Variants in SPECC1 observed in about 807,000 individuals in gnomAD.
SPECC1 encodes sperm antigen with calponin homology and coiled-coil domains 1, also known as cytospin-B.
A neutral mutation model predicts 104.1 loss-of-function variants in SPECC1; 62 were observed. The ratio of observed to expected loss-of-function variants is 0.60; its 90% CI spans 0.49 to 0.74. SPECC1 has a LOEUF of 0.74. Ranked by LOEUF, SPECC1 falls within the 30% of genes least tolerant of loss-of-function variation. The pLI is 0.00. For missense variants in SPECC1, 1,306 were observed against 1,310.5 expected, an observed-to-expected ratio of 1.00 and a Z score of 0.05; for synonymous variants, 513 against 501.6, an observed-to-expected ratio of 1.02 and a Z score of -0.30.
At chr17:20,100,450 G>GTTCTAC (rs1383525687) in intron 2 of SPECC1, among the ~76,000 whole-genome samples, 1 of 152,116 alleles carries the variant, frequency 6.6e-6, no homozygotes, top group African/African-American at 2.4e-5. Context: ...ACACGGGGAG[G>GTTCTAC]TTCTACAGTA....
At chr17:20,119,407 CT>C (rs2048919550) in intron 3 of SPECC1, among the ~76,000 whole-genome samples, 1 of 152,030 alleles carries the variant, frequency 6.6e-6, no homozygotes, top group African/African-American at 2.4e-5. Context: ...TAATGTTGTA[CT>C]TTTAGTTGAG....
intron 1 of SPECC1, among the ~76,000 whole-genome samples, chr17:20,030,726 T>A (rs2044775178): frequency 6.6e-6 from 1 of 152,208 alleles, no homozygotes; most frequent in Non-Finnish European, 1.5e-5. Flanking sequence ...CTGGGGTCAC[T>A]TGTTTTCAGC....
intron 3 of SPECC1, chr17:20,112,281 C>G: frequency 1.3e-6 from 1 of 762,010 alleles, no homozygotes; most frequent in Non-Finnish European, 2.5e-6. Context: ...CTACTTGTGT[C>G]ATGGAGAGCT....
intron 3 of SPECC1, among the ~76,000 whole-genome samples, chr17:20,143,776 G>C (rs2031132393): frequency 6.6e-6 from 1 of 152,218 alleles, no homozygotes; most frequent in Non-Finnish European, 1.5e-5. Context: ...CAGAGTAGGG[G>C]GAATCCATTC....
intron 1 of SPECC1, among the ~76,000 whole-genome samples, chr17:20,060,100 C>T (rs1215311221): frequency 6.6e-6 from 1 of 152,032 alleles, no homozygotes; most frequent in Non-Finnish European, 1.5e-5. Flanking sequence ...AACTTTGGGG[C>T]TCTTCTAAAG....
intron 14 of SPECC1, among the ~76,000 whole-genome samples, chr17:20,306,694 A>T (rs2041777527): frequency 6.6e-6 from 1 of 152,254 alleles, no homozygotes; most frequent in Non-Finnish European, 1.5e-5. Context: ...GAAAAGAGAG[A>T]GAGTCTCTTG....
chr17:20,075,725 C>T (rs1342096290), intron 1 of SPECC1, among the ~76,000 whole-genome samples: 3 of 152,068 alleles, frequency 2.0e-5, no homozygotes, highest in Non-Finnish European at 2.9e-5. Context: ...ACAGGTAGAT[C>T]GCTTGAGCTC....
At chr17:20,174,520 G>A (rs1597882801) in intron 3 of SPECC1, among the ~76,000 whole-genome samples, 1 of 152,042 alleles carries the variant, frequency 6.6e-6, no homozygotes, top group South Asian at 2.1e-4. Flanking sequence ...ATGCAGCTGC[G>A]ATAGCTGCCT....
chr17:20,221,003 G>T (rs951401838), intron 4 of SPECC1, among the ~76,000 whole-genome samples: 1 of 152,110 alleles, frequency 6.6e-6, no homozygotes, highest in Non-Finnish European at 1.5e-5. Context: ...TGCATCCCTA[G>T]GATAAATCCC....
intron 1 of SPECC1, among the ~76,000 whole-genome samples, chr17:20,021,869 A>G (rs894321028): frequency 6.8e-5 from 10 of 147,346 alleles, no homozygotes; most frequent in Non-Finnish European, 1.3e-4. Context: ...TGCGCTTGGC[A>G]TCATTCAACT....
chr17:20,256,557 A>T (rs977906595), intron 10 of SPECC1, among the ~76,000 whole-genome samples: 1 of 152,156 alleles, frequency 6.6e-6, no homozygotes, highest in Non-Finnish European at 1.5e-5. Context: ...TTCTGTGACT[A>T]TTCACAGGTC....
chr17:20,285,847 C>T (rs1420241977), intron 12 of SPECC1, among the ~76,000 whole-genome samples: 2 of 144,768 alleles, frequency 1.4e-5, no homozygotes, highest in African/African-American at 5.2e-5. Context: ...GGGTCTCGCT[C>T]TACCACCCAG....
At chr17:20,289,558 C>T (rs1195831686) in intron 12 of SPECC1, among the ~76,000 whole-genome samples, 1 of 152,148 alleles carries the variant, frequency 6.6e-6, no homozygotes, top group Non-Finnish European at 1.5e-5. Flanking sequence ...CCGCCTAGGC[C>T]TCCCAAAAAG....
intron 1 of SPECC1, among the ~76,000 whole-genome samples, chr17:20,036,579 C>G (rs1247371085): frequency 6.6e-6 from 1 of 152,162 alleles, no homozygotes; most frequent in Non-Finnish European, 1.5e-5. Context: ...AACACCCACT[C>G]TTTTAGTATT....
intron 3 of SPECC1, among the ~76,000 whole-genome samples, chr17:20,165,889 GT>G (rs1015456737): frequency 2.0e-4 from 30 of 149,206 alleles, no homozygotes; most frequent in Middle Eastern, 3.5e-3. Context: ...TTTTTAATGG[GT>G]TTTTTTTTTC....
intron 1 of SPECC1, among the ~76,000 whole-genome samples, chr17:20,023,855 A>G (rs897560022): frequency 4.6e-5 from 7 of 152,164 alleles, no homozygotes; most frequent in Non-Finnish European, 1.0e-4. Flanking sequence ...TTACAAAGTT[A>G]AAATAACCCT....
Position 20,314,264 on chromosome 17 carries a change from T to C in SPECC1, c.*199T>C. The C allele has an allele frequency of 1.7e-6, 1 of 599,060 alleles. No individual in the cohort carries two copies. The highest frequency in any genetic ancestry group is 3.0e-6 in the Non-Finnish European group (1 of 332,284). 37.1% of individuals were successfully genotyped at this position (599,060 alleles called of 1,614,324 possible). A position where few individuals can be genotyped will look rare whatever the true frequency, so the allele number is the denominator to read the frequency against. On this transcript the variant is annotated 3_prime_UTR_variant, in exon 15 of 15. Transcript: ENST00000395527. ...TACCTGTCTGAAATGCAAATGCAGC[T>C]GGACTGTAAATTGGGGACTCTTTGA... is the stretch of plus-strand genomic sequence containing the variant.
intron 3 of SPECC1, among the ~76,000 whole-genome samples, chr17:20,168,800 G>A (rs1035582410): frequency 1.3e-5 from 2 of 152,178 alleles, no homozygotes; most frequent in Non-Finnish European, 2.9e-5. Flanking sequence ...ATTCAGATAT[G>A]TATGTGTATG....
intron 3 of SPECC1, among the ~76,000 whole-genome samples, chr17:20,119,144 ATTGT>A (rs568845987): frequency 5.3e-5 from 8 of 152,260 alleles, no homozygotes; most frequent in Non-Finnish European, 1.0e-4. Flanking sequence ...AGTTATACAA[ATTGT>A]TTGTCAGTTA....
Sources: allele counts gnomAD v4.1 joint callset (sites outside exome capture counted in the v4.1 genomes callset), GRCh38; gene constraint gnomAD v4.1.1; transcripts MANE v1.5; gene names NCBI Gene and HGNC (gene_info 2026-07-23, HGNC 2026-07-21).